The following AFDN variants were observed in gnomAD, a reference collection of about 807,000 sequenced individuals.
The protein encoded by AFDN is afadin, adherens junction formation factor, also known as afadin.
Under a neutral mutation model 216.6 loss-of-function variants are expected in AFDN, and 68 were observed. The ratio of observed to expected loss-of-function variants is 0.31; its 90% CI spans 0.26 to 0.38. The LOEUF is 0.38. AFDN is among the 10% of genes least tolerant of loss of function. AFDN has a pLI of 1.00. For missense variants in AFDN, 2,136 were observed against 2,342.0 expected, an observed-to-expected ratio of 0.91 and a Z score of 1.82; for synonymous variants, 868 against 853.7, an observed-to-expected ratio of 1.02 and a Z score of -0.29.
rs1305841209 is a variant in AFDN, at chr6:167,912,479, T to TA, written c.2038-923dup. Among the ~76,000 whole-genome samples, 10 of 152,364 alleles carry TA rather than the reference T, an allele frequency of 6.6e-5. No homozygotes were observed. In the South Asian group the frequency reaches 2.1e-3, roughly 32 times the overall value. ...AATTTTTCAAGAAATGTTTCTTTTA[T>TA]ATTTGAGTGATTAGCATGAGTTTGA... On this transcript the variant is annotated intron_variant, in intron 15 of 33. Transcript: ENST00000683244.
At chr6:167,882,775 T>A (rs1409408862) in intron 6 of AFDN, among the ~76,000 whole-genome samples, 1 of 152,210 alleles carries the variant, frequency 6.6e-6, no homozygotes, top group East Asian at 1.9e-4. Flanking sequence ...AATAATGGTA[T>A]AATTGCTTTG....
At position 167,918,740 on chromosome 6, in the gene AFDN, T is replaced by C; in HGVS notation, c.2715T>C (p.Leu905=). ...TGCGTTTGTTTTCCAAACAGGATCT[T>C]ATAGAAAATGTAGTGACTGTGGCTG... ...APDEPFIPTD[L]IENVVTVAEN... The change falls in exon 21 of 34, where the codon CTT becomes CTC. Residue 905 remains leucine, a synonymous_variant. Coordinates refer to ENST00000683244, the MANE Select transcript of AFDN (RefSeq NM_001386888.1). 1 of 1,614,142 alleles carries C rather than the reference T, an allele frequency of 6.2e-7. No individual in the cohort carries two copies. The highest frequency in any genetic ancestry group is 8.5e-7 in the Non-Finnish European group (1 of 1,180,018).
chr6:167,832,328 G>A (rs1779922776), intron 1 of AFDN, among the ~76,000 whole-genome samples: 1 of 152,172 alleles, frequency 6.6e-6, no homozygotes. Context: ...CATAGCAGGA[G>A]TGTGCGTGTT....
In AFDN at chr6:167,880,475, T is replaced by C. The variant is rs773356164; in HGVS notation, c.855T>C (p.Tyr285=). 3.1e-6 allele frequency: 5 copies of C among 1,613,722 alleles called. No individual in the cohort carries two copies. The highest frequency in any genetic ancestry group is 4.2e-6 in the Non-Finnish European group (5 of 1,179,812). The stretch of plus-strand genomic sequence containing the variant: ...CTGTGGCTGAAGCTTTAGAGAAGTA[T>C]GGTCTGGAAAAAGAAAACCCTAAGG... ...DFAVAEALEK[Y]GLEKENPKDY... The change falls in exon 6 of 34, where the codon TAT becomes TAC. Residue 285 remains tyrosine (Y), a synonymous_variant. Transcript: ENST00000683244.
chr6:167,857,291 T>C (rs1019778625), intron 1 of AFDN, among the ~76,000 whole-genome samples: 2 of 152,060 alleles, frequency 1.3e-5, no homozygotes, highest in African/African-American at 4.8e-5. Flanking sequence ...TTCAGGGAAG[T>C]GCCTTAGTCA....
intron 1 of AFDN, among the ~76,000 whole-genome samples, chr6:167,854,488 T>A (rs969215007): frequency 6.6e-6 from 1 of 152,030 alleles, no homozygotes; most frequent in Non-Finnish European, 1.5e-5. Flanking sequence ...TGACTTTGGA[T>A]TTCAAGTCAT....
intron 9 of AFDN, 73 bp downstream of exon 9, chr6:167,893,979 G>A: frequency 8.9e-7 from 1 of 1,118,554 alleles, no homozygotes; most frequent in Non-Finnish European, 1.3e-6. Context: ...AGTGTTGAAT[G>A]ACCAAATATC....
At chr6:167,946,669 T>C (rs1795301127) in intron 26 of AFDN, 38 bp from the exon 27 acceptor site, 1 of 1,575,778 alleles carries the variant, frequency 6.3e-7, no homozygotes, top group African/African-American at 1.4e-5. Context: ...GTGTTGAAAA[T>C]AAAATCTTAA....
chr6:167,924,096 T>C (rs1792181851), intron 22 of AFDN, among the ~76,000 whole-genome samples: 1 of 148,136 alleles, frequency 6.8e-6, no homozygotes, highest in African/African-American at 2.5e-5. Flanking sequence ...GGTTTTGATT[T>C]AAAAAAAAAA....
intron 21 of AFDN, among the ~76,000 whole-genome samples, chr6:167,920,067 T>C (rs1791582259): frequency 6.6e-6 from 1 of 152,196 alleles, no homozygotes; most frequent in African/African-American, 2.4e-5. Flanking sequence ...CTCTGAGCCT[T>C]TCCAAAAGGT....
intron 29 of AFDN, among the ~76,000 whole-genome samples, chr6:167,949,758 A>G (rs1795745261): frequency 6.6e-6 from 1 of 152,178 alleles, no homozygotes; most frequent in African/African-American, 2.4e-5. Context: ...TAGTGCATAC[A>G]TTGAATCCCA....
chr6:167,854,011 T>C (rs1320026255), intron 1 of AFDN, among the ~76,000 whole-genome samples: 2 of 152,058 alleles, frequency 1.3e-5, no homozygotes, highest in Non-Finnish European at 2.9e-5. Context: ...TGTTTCAAAA[T>C]GTACATGAGT....
chr6:167,966,098 C>G, intron 32 of AFDN, 53 bp downstream of exon 32: 9 of 1,536,892 alleles, frequency 5.9e-6, no homozygotes, highest in Non-Finnish European at 7.0e-6. Context: ...TTCTTCCTGC[C>G]CCTCTTAAAC....
In AFDN at chr6:167,851,379, A is replaced by G. The variant is rs568397764; in HGVS notation, c.106-13172A>G. 1.2e-4 allele frequency among the ~76,000 whole-genome samples: 18 copies of G among 152,284 alleles called. No individual in the cohort carries two copies. In the South Asian group the frequency reaches 3.5e-3, roughly 30 times the overall value. ...GTACTGATTATTTTATCAACCAGGT[A>G]TTAAGCCTAGTATCCATTAGATATT... On this transcript the variant is annotated intron_variant, in intron 1 of 33. Coordinates refer to ENST00000683244, the MANE Select transcript of AFDN (RefSeq NM_001386888.1).
chr6:167,908,234 G>A (rs9355042), intron 13 of AFDN, among the ~76,000 whole-genome samples: 45,921 of 152,162 alleles, frequency 0.3, 7,984 homozygotes, highest in East Asian at 0.6. Context: ...TGCAGGTGAC[G>A]AAGACACAGT....
rs1008615585 is a variant in AFDN at position 167,970,178 on chromosome 6, G to A, written c.*243G>A. ...AGTTTCTTAATTATCTAACTCACACGAGGGTAAGTTTTTTGTTGGTTTCTT... is the reference window on the plus strand; with the variant it reads ...AGTTTCTTAATTATCTAACTCACACAAGGGTAAGTTTTTTGTTGGTTTCTT... On this transcript the variant is annotated 3_prime_UTR_variant, in exon 34 of 34. Transcript: ENST00000683244. The A allele has an allele frequency of 4.7e-5, 20 of 423,186 alleles. No homozygotes were observed. Among genetic ancestry groups the A allele is most frequent in the East Asian group, 3.6e-4 (8 of 22,086 alleles). 26.2% of individuals were successfully genotyped at this position (423,186 alleles called of 1,614,324 possible).
intron 22 of AFDN, 181 bp from the exon 23 acceptor site, chr6:167,924,824 T>C (rs917501643): frequency 1.6e-6 from 1 of 641,882 alleles, no homozygotes; most frequent in Admixed American, 2.2e-5. Context: ...CGATTTAGTT[T>C]ACCAGATTAA....
intron 23 of AFDN, among the ~76,000 whole-genome samples, chr6:167,942,827 A>T (rs1182894676): frequency 6.6e-6 from 1 of 152,218 alleles, no homozygotes; most frequent in Non-Finnish European, 1.5e-5. Flanking sequence ...TGCTTTTTGT[A>T]TTAAAATGAT....
At chr6:167,949,958 C>T (rs958295448) in intron 29 of AFDN, among the ~76,000 whole-genome samples, 1 of 152,052 alleles carries the variant, frequency 6.6e-6, no homozygotes, top group Non-Finnish European at 1.5e-5. Context: ...GTGGAGAGTG[C>T]GAGCCAGCAG....
Sources: gnomAD v4.1 joint callset for allele counts (sites outside exome capture counted in the v4.1 genomes callset) on GRCh38, gnomAD v4.1.1 for gene constraint, MANE v1.5 for transcripts, NCBI Gene and HGNC (gene_info 2026-07-23, HGNC 2026-07-21) for gene names.